The following AP3B1 variants were observed in gnomAD, a reference collection of about 807,000 sequenced individuals.
AP3B1 encodes the protein AP-3 complex subunit beta-1.
In AP3B1, 61 loss-of-function variants were observed where a neutral mutation model predicts 132.5. That is an observed-to-expected ratio of 0.46 (90% CI 0.37 to 0.57). The LOEUF is 0.57. AP3B1 is among the 20% of genes least tolerant of loss of function. The pLI is 0.00. For synonymous variants in AP3B1, 388 were observed against 438.3 expected (o/e 0.89, Z 1.43); for missense variants, 1,120 against 1,289.4 (o/e 0.87, Z 2.01).
intron 24 of AP3B1, among the ~76,000 whole-genome samples, chr5:78,024,788 C>T (rs1345753344): frequency 5.3e-5 from 8 of 151,430 alleles, no homozygotes; most frequent in Non-Finnish European, 1.0e-4. Context: ...GTCTCGAACT[C>T]CTGACCTCAA....
chr5:78,097,706 C>T lies in AP3B1; in HGVS notation c.2470+3247G>A, dbSNP rs1282323357. ...GCCGCCTCGTCCAGGAGGTGAGGGG[C>T]GCCTCTGCCAGGCCGCCCCTACTGG... On this transcript the variant is annotated intron_variant, in intron 21 of 26. Transcript: ENST00000255194. 2.0e-5 allele frequency among the ~76,000 whole-genome samples: 3 copies of T among 148,622 alleles called. No individual in the cohort carries two copies. In the East Asian group the frequency reaches 6.2e-4, roughly 31 times the overall value.
intron 17 of AP3B1, chr5:78,121,738 G>A (rs945775450): frequency 1.3e-5 from 2 of 152,176 alleles, no homozygotes; most frequent in Non-Finnish European, 2.9e-5. Flanking sequence ...AGGACCAGAT[G>A]GATTCACAGC....
intron 1 of AP3B1, 56 bp downstream of exon 1, chr5:78,294,396 C>T: frequency 6.2e-7 from 1 of 1,612,038 alleles, no homozygotes. Flanking sequence ...GGCGCCCACT[C>T]CTCCGAGTCC....
chr5:78,062,856 T>A (rs1749115228), intron 22 of AP3B1, among the ~76,000 whole-genome samples: 1 of 152,116 alleles, frequency 6.6e-6, no homozygotes. Flanking sequence ...GTCAGCGAGG[T>A]GCCGTATGAG....
At chr5:78,271,249 C>T (rs190435325) in intron 1 of AP3B1, among the ~76,000 whole-genome samples, 1 of 152,002 alleles carries the variant, frequency 6.6e-6, no homozygotes, top group Non-Finnish European at 1.5e-5. Context: ...CGAAGAAACC[C>T]CATCTCTACT....
chr5:78,021,224 G>C (rs553907522), intron 24 of AP3B1, among the ~76,000 whole-genome samples: 2 of 152,102 alleles, frequency 1.3e-5, no homozygotes, highest in South Asian at 4.1e-4. Context: ...AGTTTTAAAT[G>C]AAGAAGAAAA....
At chr5:78,189,627 T>TG (rs1422625476) in intron 7 of AP3B1, among the ~76,000 whole-genome samples, 1 of 152,104 alleles carries the variant, frequency 6.6e-6, no homozygotes, top group East Asian at 1.9e-4. Context: ...CCCAGCACTC[T>TG]GGGAGGCCAA....
chr5:78,287,664 T>C (rs1749337765), intron 1 of AP3B1, among the ~76,000 whole-genome samples: 2 of 151,944 alleles, frequency 1.3e-5, no homozygotes. Flanking sequence ...TCTTCTTTTA[T>C]TTTTAGTCAC....
chr5:78,123,651 C>T (rs1442854098), intron 17 of AP3B1, among the ~76,000 whole-genome samples: 5 of 152,026 alleles, frequency 3.3e-5, no homozygotes, highest in Admixed American at 6.6e-5. Flanking sequence ...CAATGAGATA[C>T]CATCTCACAC....
chr5:78,183,319 G>GTT (rs1233084472), intron 7 of AP3B1, among the ~76,000 whole-genome samples: 1 of 152,104 alleles, frequency 6.6e-6, no homozygotes, highest in African/African-American at 2.4e-5. Flanking sequence ...AACAAAGCCA[G>GTT]TTAACCTGAA....
At chr5:78,017,380 G>A (rs899120398) in intron 25 of AP3B1, among the ~76,000 whole-genome samples, 2 of 151,938 alleles carry the variant, frequency 1.3e-5, no homozygotes, top group Non-Finnish European at 2.9e-5. Context: ...AGTGTAAACT[G>A]AATCAAGATT....
intron 22 of AP3B1, among the ~76,000 whole-genome samples, chr5:78,047,573 C>G (rs934116320): frequency 6.6e-6 from 1 of 152,032 alleles, no homozygotes; most frequent in East Asian, 1.9e-4. Flanking sequence ...TGCAAATTTG[C>G]TTAAGTTCCT....
chr5:78,054,837 TA>T (rs1362285435), intron 22 of AP3B1, among the ~76,000 whole-genome samples: 3 of 152,058 alleles, frequency 2.0e-5, no homozygotes, highest in Non-Finnish European at 4.4e-5. Flanking sequence ...GGAATTTTAT[TA>T]TGGGTATAGT....
At chr5:78,146,933 A>C (rs1753425415) in intron 14 of AP3B1, among the ~76,000 whole-genome samples, 1 of 152,074 alleles carries the variant, frequency 6.6e-6, no homozygotes, top group Non-Finnish European at 1.5e-5. Flanking sequence ...TTTATGCCTA[A>C]ATACATTCTT....
chr5:78,156,782 C>A (rs754805997), intron 13 of AP3B1, among the ~76,000 whole-genome samples: 18 of 151,922 alleles, frequency 1.2e-4, no homozygotes, highest in Non-Finnish European at 1.9e-4. Context: ...CCCTATTCTG[C>A]AGAAAACAGC....
chr5:78,050,334 T>C (rs964514948), intron 22 of AP3B1, among the ~76,000 whole-genome samples: 2 of 152,216 alleles, frequency 1.3e-5, no homozygotes, highest in African/African-American at 4.8e-5. Context: ...TTCCCACTTT[T>C]ATGCTCAATG....
At chr5:78,290,652 T>TA (rs1324104858) in intron 1 of AP3B1, among the ~76,000 whole-genome samples, 1 of 152,028 alleles carries the variant, frequency 6.6e-6, no homozygotes, top group Non-Finnish European at 1.5e-5. Context: ...GAGAATATTT[T>TA]AAAAAGAAGG....
chr5:78,145,544 C>T (rs1006531588), intron 14 of AP3B1, among the ~76,000 whole-genome samples: 1 of 152,164 alleles, frequency 6.6e-6, no homozygotes, highest in Non-Finnish European at 1.5e-5. Context: ...TACTGGTCAG[C>T]AAGCTGTTGA....
At chr5:78,084,521 CAAAAAAAAA>C (rs568637894) in intron 22 of AP3B1, among the ~76,000 whole-genome samples, 1 of 44,004 alleles carries the variant, frequency 2.3e-5, no homozygotes, top group African/African-American at 1.1e-4. Flanking sequence ...CAGACCCTGT[CAAAAAAAAA>C]AAAAAAAAAA....
Sources: gnomAD v4.1 joint callset for allele counts (sites outside exome capture counted in the v4.1 genomes callset) on GRCh38, gnomAD v4.1.1 for gene constraint, MANE v1.5 for transcripts, NCBI Gene and HGNC (gene_info 2026-07-23, HGNC 2026-07-21) for gene names.